The following TBC1D9 variants were observed in gnomAD, a reference collection of about 807,000 sequenced individuals.
TBC1D9 encodes the protein TBC1 domain family member 9A.
Under a neutral mutation model 132.0 loss-of-function variants are expected in TBC1D9, and 63 were observed. The ratio of observed to expected loss-of-function variants is 0.48; its 90% CI spans 0.39 to 0.59. TBC1D9 has a LOEUF of 0.59. TBC1D9 is among the 20% of genes least tolerant of loss of function. The pLI, the probability that TBC1D9 is intolerant of heterozygous loss-of-function variation, is 0.00. For missense variants in TBC1D9, 1,261 were observed against 1,592.7 expected (o/e 0.79, Z 3.54); for synonymous variants, 610 against 609.9 (o/e 1.00, Z 0.00).
chr4:140,664,629 C>A (rs940229154), intron 9 of TBC1D9, among the ~76,000 whole-genome samples: 1 of 152,114 alleles, frequency 6.6e-6, no homozygotes, highest in African/African-American at 2.4e-5. Flanking sequence ...ACATACAGAT[C>A]AATGGACTAG....
chr4:140,633,195 C>T (rs1417847077), intron 16 of TBC1D9, among the ~76,000 whole-genome samples: 1 of 152,220 alleles, frequency 6.6e-6, no homozygotes, highest in African/African-American at 2.4e-5. Flanking sequence ...GGCCCAAGGT[C>T]ATAGAGTAGC....
chr4:140,670,734 T>A lies in TBC1D9; in HGVS notation c.1252A>T (p.Ser418Cys). Residue 418 changes from serine to cysteine, a missense_variant, in exon 7 of 21, where the codon AGT becomes TGT. Ser to Cys is a moderately radical substitution (Grantham distance 112). Coordinates refer to ENST00000442267, the MANE Select transcript of TBC1D9 (RefSeq NM_015130.3). ...SDKEFAGSYN[S>C]SDDEVYSRPS... The stretch of plus-strand genomic sequence containing the variant: ...CTCCCACAGACCTCATCATCTGAAC[T>A]GTTGTAACTTCCTGCAAACTCCTTG... The A allele has an allele frequency of 6.2e-7, 1 of 1,613,780 alleles. No individual in the cohort carries two copies. The highest frequency in any genetic ancestry group is 8.5e-7 in the Non-Finnish European group (1 of 1,179,890).
chr4:140,660,848 T>C (rs1295109778), intron 10 of TBC1D9, among the ~76,000 whole-genome samples: 1 of 152,008 alleles, frequency 6.6e-6, no homozygotes, highest in Non-Finnish European at 1.5e-5. Flanking sequence ...GAAGTAGGAG[T>C]TCAGCCTCTT....
chr4:140,664,445 A>G (rs990473174), intron 9 of TBC1D9, among the ~76,000 whole-genome samples: 1 of 152,194 alleles, frequency 6.6e-6, no homozygotes, highest in Non-Finnish European at 1.5e-5. Context: ...CACAATACCT[A>G]TCAAAATCCC....
chr4:140,642,239 C>CT (rs1441893032), intron 13 of TBC1D9: 8 of 722,942 alleles, frequency 1.1e-5, no homozygotes, highest in African/African-American at 8.7e-5. Flanking sequence ...CTTCGTCTTC[C>CT]TCTGAGTCTG....
chr4:140,748,655 G>A (rs946632443), intron 1 of TBC1D9, among the ~76,000 whole-genome samples: 1 of 152,160 alleles, frequency 6.6e-6, no homozygotes, highest in Non-Finnish European at 1.5e-5. Context: ...CAGAAGAAAC[G>A]ATGTCTCAAC....
At chr4:140,687,459 C>CCCTTCAGGATTCT (rs951029440) in intron 2 of TBC1D9, among the ~76,000 whole-genome samples, 2 of 145,458 alleles carry the variant, frequency 1.4e-5, no homozygotes, top group African/African-American at 5.0e-5. Flanking sequence ...CATTGATTCA[C>CCCTTCAGGATTCT]CCTTCAGGAT....
intron 13 of TBC1D9, among the ~76,000 whole-genome samples, chr4:140,639,981 G>A (rs1736958904): frequency 6.6e-6 from 1 of 152,132 alleles, no homozygotes; most frequent in South Asian, 2.1e-4. Flanking sequence ...TCTATCTGAA[G>A]GCAGAGAAAG....
intron 5 of TBC1D9, among the ~76,000 whole-genome samples, chr4:140,678,018 TA>T (rs11439124): frequency 1.5e-4 from 22 of 149,172 alleles, no homozygotes; most frequent in East Asian, 3.9e-4. Context: ...TTTTTCATTC[TA>T]AAAAAAAAAG....
intron 1 of TBC1D9, among the ~76,000 whole-genome samples, chr4:140,719,427 A>T (rs748204800): frequency 6.6e-6 from 1 of 152,234 alleles, no homozygotes; most frequent in African/African-American, 2.4e-5. Context: ...GCGTCAAGAC[A>T]TAAACTTGCA....
chr4:140,731,508 A>G (rs565880762), intron 1 of TBC1D9, among the ~76,000 whole-genome samples: 47 of 152,286 alleles, frequency 3.1e-4, no homozygotes, highest in African/African-American at 1.1e-3. Flanking sequence ...CGTGGCCAAC[A>G]TAGTGAAAAC....
intron 13 of TBC1D9, chr4:140,644,773 G>A (rs1227853022): frequency 2.5e-6 from 1 of 403,400 alleles, no homozygotes; most frequent in African/African-American, 2.1e-5. Context: ...AGAGTACAGG[G>A]CGGGGCAAAG....
chr4:140,639,064 A>T, intron 15 of TBC1D9, 22 bp downstream of exon 15: 1 of 1,557,950 alleles, frequency 6.4e-7, no homozygotes, highest in East Asian at 2.3e-5. Flanking sequence ...TTGAATGGGC[A>T]TGAATTTACC....
At position 140,668,913 on chromosome 4, in the gene TBC1D9, G is replaced by GT. The variant is rs1560879551; in HGVS notation, c.1588+3dup. The stretch of plus-strand genomic sequence containing the variant: ...CGCCAGCATTCCCAGCCCAGCGGCC[G>GT]TACCTGACAGCAGCAGCCAGAGCTC... On this transcript the variant is annotated splice_donor_region_variant and intron_variant, in intron 9 of 20. Transcript: ENST00000442267. 6.2e-7 allele frequency: 1 copy of GT among 1,613,264 alleles called. No individual in the cohort carries two copies. The highest frequency in any genetic ancestry group is 8.5e-7 in the Non-Finnish European group (1 of 1,179,752).
intron 6 of TBC1D9, among the ~76,000 whole-genome samples, chr4:140,671,674 CTGTGTGTGTGTGTGTG>C (rs34072180): frequency 1.1e-4 from 15 of 141,722 alleles, no homozygotes; most frequent in Admixed American, 2.8e-4. Flanking sequence ...AACTACCAGA[CTGTGTGTGTGTGTGTG>C]TGTGTGTGTG....
intron 6 of TBC1D9, among the ~76,000 whole-genome samples, chr4:140,673,870 A>G (rs954618889): frequency 6.6e-6 from 1 of 152,220 alleles, no homozygotes; most frequent in South Asian, 2.1e-4. Flanking sequence ...AAATCGCACT[A>G]AAATGTAAAC....
At chr4:140,707,976 CAA>C (rs967139724) in intron 1 of TBC1D9, among the ~76,000 whole-genome samples, 1 of 144,790 alleles carries the variant, frequency 6.9e-6, no homozygotes, top group Non-Finnish European at 1.5e-5. Flanking sequence ...TTTCCTACTT[CAA>C]AAAAAAAAAG....
At chr4:140,688,127 G>A (rs796647183) in intron 2 of TBC1D9, among the ~76,000 whole-genome samples, 13 of 152,202 alleles carry the variant, frequency 8.5e-5, no homozygotes, top group African/African-American at 2.4e-4. Flanking sequence ...TCTTAGTGGA[G>A]AAGAGTCCAG....
intron 1 of TBC1D9, among the ~76,000 whole-genome samples, chr4:140,723,058 T>C (rs1738447918): frequency 6.6e-6 from 1 of 152,214 alleles, no homozygotes; most frequent in African/African-American, 2.4e-5. Flanking sequence ...GACCCACTCA[T>C]TAGAGTTCTT....
Sources: allele counts gnomAD v4.1 joint callset (sites outside exome capture counted in the v4.1 genomes callset), GRCh38; gene constraint gnomAD v4.1.1; transcripts MANE v1.5; gene names NCBI Gene and HGNC (gene_info 2026-07-23, HGNC 2026-07-21).